The following NEGR1 variants were observed in gnomAD, a reference collection of about 807,000 sequenced individuals.
NEGR1 encodes the protein IgLON family member 4.
NEGR1 carries 10 observed loss-of-function variants against 40.9 expected under a neutral mutation model. The observed-to-expected ratio is 0.24, with a 90% CI of 0.15 to 0.42. NEGR1 has a LOEUF of 0.42. NEGR1 is among the 10% of genes least tolerant of loss of function. The probability of loss-of-function intolerance (pLI) is 1.00; values close to 1 mark genes in which losing one functional copy is unlikely to be tolerated. For synonymous variants in NEGR1, 185 were observed against 166.8 expected, an observed-to-expected ratio of 1.11 and a Z score of -0.84; for missense variants, 352 against 438.9, an observed-to-expected ratio of 0.80 and a Z score of 1.77.
At chr1:71,912,471 C>T (rs543736200) in intron 2 of NEGR1, among the ~76,000 whole-genome samples, 1 of 152,280 alleles carries the variant, frequency 6.6e-6, no homozygotes, top group African/African-American at 2.4e-5. Context: ...AATCCCTTCA[C>T]CACAAAAGGT....
At chr1:71,691,406 G>A (rs1405013674) in intron 4 of NEGR1, among the ~76,000 whole-genome samples, 1 of 151,256 alleles carries the variant, frequency 6.6e-6, no homozygotes, top group Non-Finnish European at 1.5e-5. Context: ...GGTGATTATT[G>A]ATGTTTCTAA....
At chr1:71,811,405 G>C (rs1380419886) in intron 2 of NEGR1, among the ~76,000 whole-genome samples, 1 of 151,954 alleles carries the variant, frequency 6.6e-6, no homozygotes, top group Non-Finnish European at 1.5e-5. Context: ...TGTATAGGTG[G>C]TTCTTCCTTA....
At chr1:71,623,080 G>T (rs1396159856) in intron 4 of NEGR1, among the ~76,000 whole-genome samples, 2 of 151,440 alleles carry the variant, frequency 1.3e-5, no homozygotes, top group African/African-American at 4.9e-5. Flanking sequence ...ATATTCTAAA[G>T]AATTACTTTC....
chr1:72,030,831 A>AT (rs1646852044), intron 1 of NEGR1, among the ~76,000 whole-genome samples: 1 of 152,124 alleles, frequency 6.6e-6, no homozygotes, highest in Admixed American at 6.5e-5. Flanking sequence ...ATACAAAAAT[A>AT]TTGGCTGAGA....
At chr1:72,060,762 A>C (rs1647160242) in intron 1 of NEGR1, among the ~76,000 whole-genome samples, 1 of 151,720 alleles carries the variant, frequency 6.6e-6, no homozygotes, top group Non-Finnish European at 1.5e-5. Context: ...AGATGGATAC[A>C]TTAGTGTCAT....
chr1:71,465,977 T>G (rs1646742861), intron 6 of NEGR1, among the ~76,000 whole-genome samples: 1 of 151,972 alleles, frequency 6.6e-6, no homozygotes, highest in Admixed American at 6.6e-5. Flanking sequence ...AGATGAGCAT[T>G]TTATGTATTC....
At chr1:71,439,369 G>A (rs1003302376) in intron 6 of NEGR1, among the ~76,000 whole-genome samples, 2 of 152,098 alleles carry the variant, frequency 1.3e-5, no homozygotes, top group East Asian at 1.9e-4. Flanking sequence ...TTGTTTGTTC[G>A]TTTTTGTTTT....
chr1:71,914,336 T>C (rs142983233), intron 2 of NEGR1, among the ~76,000 whole-genome samples: 20 of 152,330 alleles, frequency 1.3e-4, no homozygotes, highest in African/African-American at 4.8e-4. Context: ...GATTGTTACA[T>C]TAATGCCTGA....
At chr1:72,255,928 T>C (rs1367741303) in intron 1 of NEGR1, among the ~76,000 whole-genome samples, 1 of 152,190 alleles carries the variant, frequency 6.6e-6, no homozygotes, top group African/African-American at 2.4e-5. Flanking sequence ...AAATAATAGC[T>C]TAAAATGATA....
At chr1:71,856,402 C>T (rs951098304) in intron 2 of NEGR1, among the ~76,000 whole-genome samples, 2 of 152,068 alleles carry the variant, frequency 1.3e-5, no homozygotes, top group African/African-American at 4.8e-5. Context: ...ACTTATTTAT[C>T]CATTAATTTC....
intron 5 of NEGR1, among the ~76,000 whole-genome samples, chr1:71,597,158 A>T (rs564020172): frequency 6.6e-6 from 1 of 152,164 alleles, no homozygotes; most frequent in Non-Finnish European, 1.5e-5. Context: ...AAAGAGAAAG[A>T]TTTAGAAGAA....
At chr1:72,125,244 A>T (rs2100299699) in intron 1 of NEGR1, among the ~76,000 whole-genome samples, 1 of 152,222 alleles carries the variant, frequency 6.6e-6, no homozygotes, top group African/African-American at 2.4e-5. Context: ...CTTCAATCTT[A>T]CTGAGAAAAA....
intron 1 of NEGR1, among the ~76,000 whole-genome samples, chr1:72,169,421 T>A (rs1351979770): frequency 6.6e-6 from 1 of 152,202 alleles, no homozygotes; most frequent in Non-Finnish European, 1.5e-5. Flanking sequence ...AGTGGCTATA[T>A]TGCTCTATAG....
At chr1:71,834,592 T>C (rs935694459) in intron 2 of NEGR1, among the ~76,000 whole-genome samples, 6 of 152,022 alleles carry the variant, frequency 3.9e-5, no homozygotes, top group Admixed American at 1.3e-4. Context: ...GAGTGACTTA[T>C]ACAACTGGCT....
At chr1:71,624,457 T>C (rs1294700115) in intron 4 of NEGR1, among the ~76,000 whole-genome samples, 1 of 151,930 alleles carries the variant, frequency 6.6e-6, no homozygotes, top group African/African-American at 2.4e-5. Flanking sequence ...TATGCTTCAC[T>C]TCCCTCACTT....
chr1:72,101,189 T>C (rs1274530367), intron 1 of NEGR1, among the ~76,000 whole-genome samples: 2 of 152,258 alleles, frequency 1.3e-5, no homozygotes, highest in East Asian at 1.9e-4. Context: ...AAAACATCTT[T>C]ATGAGCAAGA....
intron 1 of NEGR1, among the ~76,000 whole-genome samples, chr1:72,166,643 A>G (rs532178521): frequency 6.6e-6 from 1 of 152,176 alleles, no homozygotes; most frequent in Admixed American, 6.6e-5. Context: ...CATTATGTTA[A>G]GTGAATTAAG....
intron 6 of NEGR1, among the ~76,000 whole-genome samples, chr1:71,558,175 C>T (rs1424123323): frequency 6.6e-6 from 1 of 151,454 alleles, no homozygotes; most frequent in Non-Finnish European, 1.5e-5. Context: ...GACTATTTTT[C>T]TTTTTCCATA....
At chr1:71,850,913 A>C (rs2101812588) in intron 2 of NEGR1, among the ~76,000 whole-genome samples, 1 of 152,290 alleles carries the variant, frequency 6.6e-6, no homozygotes, top group South Asian at 2.1e-4. Flanking sequence ...GTGTGCTAGG[A>C]ATATAGTTTA....
Sources: allele counts gnomAD v4.1 joint callset (sites outside exome capture counted in the v4.1 genomes callset), GRCh38; gene constraint gnomAD v4.1.1; transcripts MANE v1.5; gene names NCBI Gene and HGNC (gene_info 2026-07-23, HGNC 2026-07-21).